Variants in ENAH observed in about 807,000 individuals in gnomAD.
ENAH encodes the protein protein enabled homolog.
ENAH carries 23 observed loss-of-function variants against 78.7 expected under a neutral mutation model. The ratio of observed to expected loss-of-function variants is 0.29; its 90% CI spans 0.21 to 0.41. ENAH has a LOEUF of 0.41. Ranked by LOEUF, ENAH falls within the 10% of genes least tolerant of loss-of-function variation. The pLI, the probability that ENAH is intolerant of heterozygous loss-of-function variation, is 1.00. For missense variants in ENAH, 544 were observed against 691.0 expected (o/e 0.79, Z 2.39); for synonymous variants, 226 against 241.0 (o/e 0.94, Z 0.58).
At chr1:225,516,733 G>C (rs2096420664) in intron 6 of ENAH, among the ~76,000 whole-genome samples, 1 of 151,948 alleles carries the variant, frequency 6.6e-6, no homozygotes, top group Non-Finnish European at 1.5e-5. Context: ...AATTAGCCAG[G>C]CGTGGTGGCA....
chr1:225,587,986 A>G (rs778912421), intron 1 of ENAH, among the ~76,000 whole-genome samples: 4 of 152,200 alleles, frequency 2.6e-5, no homozygotes, highest in Non-Finnish European at 2.9e-5. Context: ...TATTCAAGAT[A>G]TATCGATTTA....
At chr1:225,507,611 A>G (rs1023569455) in intron 11 of ENAH, among the ~76,000 whole-genome samples, 3 of 152,158 alleles carry the variant, frequency 2.0e-5, no homozygotes, top group African/African-American at 7.2e-5. Flanking sequence ...AATGTTGACA[A>G]CTGTTAAACC....
At chr1:225,633,294 C>G (rs1438024990) in intron 1 of ENAH, among the ~76,000 whole-genome samples, 1 of 151,752 alleles carries the variant, frequency 6.6e-6, no homozygotes, top group East Asian at 1.9e-4. Flanking sequence ...TCGTGATCCA[C>G]CTGCCTCTGC....
intron 2 of ENAH, among the ~76,000 whole-genome samples, chr1:225,559,802 C>T (rs747111252): frequency 1.2e-4 from 19 of 152,168 alleles, no homozygotes; most frequent in Non-Finnish European, 2.5e-4. Context: ...TCCCCACAGC[C>T]TGTTGGCACC....
chr1:225,639,082 C>T (rs1660566545), intron 1 of ENAH, among the ~76,000 whole-genome samples: 1 of 152,164 alleles, frequency 6.6e-6, no homozygotes, highest in Non-Finnish European at 1.5e-5. Context: ...TGCATATCAT[C>T]TACAAAGTGA....
At chr1:225,609,564 C>T (rs1327518301) in intron 1 of ENAH, among the ~76,000 whole-genome samples, 1 of 149,826 alleles carries the variant, frequency 6.7e-6, no homozygotes, top group South Asian at 2.1e-4. Context: ...AGTTTAAACA[C>T]GTTATCTGGA....
chr1:225,628,792 A>G (rs1658417420), intron 1 of ENAH, among the ~76,000 whole-genome samples: 1 of 151,782 alleles, frequency 6.6e-6, no homozygotes, highest in Admixed American at 6.6e-5. Flanking sequence ...CTGTAATCCC[A>G]GCTACTCGGG....
chr1:225,547,551 A>G (rs2151376770), intron 3 of ENAH, among the ~76,000 whole-genome samples: 1 of 152,288 alleles, frequency 6.6e-6, no homozygotes, highest in African/African-American at 2.4e-5. Context: ...CTTGACTTAC[A>G]GCCTCCAGTA....
chr1:225,644,077 C>T (rs946185936), intron 1 of ENAH, among the ~76,000 whole-genome samples: 4 of 151,732 alleles, frequency 2.6e-5, no homozygotes, highest in African/African-American at 9.7e-5. Context: ...CATATGCACA[C>T]GCACAATGAT....
At chr1:225,627,213 T>A (rs867972005) in intron 1 of ENAH, among the ~76,000 whole-genome samples, 1 of 152,188 alleles carries the variant, frequency 6.6e-6, no homozygotes, top group Non-Finnish European at 1.5e-5. Flanking sequence ...AACACCTAAG[T>A]ATAAACTTGT....
At chr1:225,646,969 A>G (rs531499231) in intron 1 of ENAH, among the ~76,000 whole-genome samples, 129 of 151,818 alleles carry the variant, frequency 8.5e-4, no homozygotes, top group African/African-American at 2.9e-3. Flanking sequence ...ACTCACGCCT[A>G]TAATCCCAGC....
chr1:225,646,394 T>C (rs1299585805), intron 1 of ENAH, among the ~76,000 whole-genome samples: 1 of 151,984 alleles, frequency 6.6e-6, no homozygotes, highest in Non-Finnish European at 1.5e-5. Context: ...GACCCCAGGA[T>C]TCCCATACCC....
At chr1:225,502,277 T>A (rs2096286926) in intron 11 of ENAH, among the ~76,000 whole-genome samples, 1 of 152,174 alleles carries the variant, frequency 6.6e-6, no homozygotes, top group Admixed American at 6.5e-5. Context: ...AGTGGTGCGA[T>A]CTTGGCTCAC....
At chr1:225,518,780 C>A (rs1455520108) in intron 5 of ENAH, among the ~76,000 whole-genome samples, 1 of 152,062 alleles carries the variant, frequency 6.6e-6, no homozygotes, top group East Asian at 1.9e-4. Context: ...ATTCTTCCTC[C>A]AAAATCTTTA....
intron 1 of ENAH, among the ~76,000 whole-genome samples, chr1:225,611,014 T>C (rs1157379934): frequency 1.3e-5 from 2 of 152,314 alleles, no homozygotes; most frequent in East Asian, 1.9e-4. Flanking sequence ...TCTATTCACA[T>C]GAGTACAAAA....
intron 3 of ENAH, among the ~76,000 whole-genome samples, chr1:225,545,938 A>G (rs1381999322): frequency 1.7e-5 from 2 of 118,712 alleles, no homozygotes; most frequent in African/African-American, 6.1e-5. Flanking sequence ...TTTTTTTTTT[A>G]AAGACACAGG....
chr1:225,629,905 C>G (rs540764609), intron 1 of ENAH, among the ~76,000 whole-genome samples: 1 of 152,110 alleles, frequency 6.6e-6, no homozygotes, highest in Non-Finnish European at 1.5e-5. Flanking sequence ...TGGATGGCAT[C>G]ATATTAAAAT....
At chr1:225,566,544 C>T (rs2096735897) in intron 2 of ENAH, among the ~76,000 whole-genome samples, 1 of 152,084 alleles carries the variant, frequency 6.6e-6, no homozygotes, top group Admixed American at 6.5e-5. Context: ...CAGTTGATTC[C>T]AACATCTTTG....
At chr1:225,515,964 TCAA>T (rs1386296678) in intron 6 of ENAH, among the ~76,000 whole-genome samples, 6 of 152,208 alleles carry the variant, frequency 3.9e-5, no homozygotes, top group Non-Finnish European at 7.3e-5. Context: ...AATTTGTAAG[TCAA>T]CAACAACAAA....
Sources: gnomAD v4.1 joint callset for allele counts (sites outside exome capture counted in the v4.1 genomes callset) on GRCh38, gnomAD v4.1.1 for gene constraint, MANE v1.5 for transcripts, NCBI Gene and HGNC (gene_info 2026-07-23, HGNC 2026-07-21) for gene names.